Variants in NGEF observed in about 807,000 individuals in gnomAD.
NGEF encodes ephexin-1.
NGEF carries 31 observed loss-of-function variants against 80.9 expected under a neutral mutation model. The ratio of observed to expected loss-of-function variants is 0.38; its 90% CI spans 0.29 to 0.52. The LOEUF (loss-of-function observed/expected upper bound fraction) is 0.52, where lower values mean the gene tolerates loss of function less well. Ranked by LOEUF, NGEF falls within the 20% of genes least tolerant of loss-of-function variation. The pLI is 0.84. For missense variants in NGEF, 709 were observed against 926.2 expected, an observed-to-expected ratio of 0.77 and a Z score of 3.04; for synonymous variants, 371 against 370.2, an observed-to-expected ratio of 1.00 and a Z score of -0.03.
At chr2:232,951,639 TC>T (rs1331522369) in intron 3 of NGEF, among the ~76,000 whole-genome samples, 1 of 152,178 alleles carries the variant, frequency 6.6e-6, no homozygotes, top group African/African-American at 2.4e-5. Flanking sequence ...GTTTCACACT[TC>T]CTTTTAGGGC....
chr2:232,970,582 G>A (rs1341077205), intron 2 of NGEF, among the ~76,000 whole-genome samples: 1 of 151,964 alleles, frequency 6.6e-6, no homozygotes, highest in Non-Finnish European at 1.5e-5. Flanking sequence ...TAATCCCATC[G>A]CTTTGGGAGG....
At position 232,888,556 on chromosome 2, in the gene NGEF, C is replaced by G. The variant is rs575652427; in HGVS notation, c.1273-449G>C. ...ATACATGCATGCACATACATGCATA[C>G]CTGCACACACACACGCATGCACGCA... On this transcript the variant is annotated intron_variant, in intron 8 of 14. Transcript: ENST00000264051. Among the ~76,000 whole-genome samples, 121 of 152,250 alleles carry G rather than the reference C, an allele frequency of 7.9e-4. 1 individual carries two copies. The highest frequency in any genetic ancestry group is 2.7e-3 in the African/African-American group (114 of 41,538).
At chr2:232,976,411 C>G (rs1050094589) in intron 1 of NGEF, among the ~76,000 whole-genome samples, 1 of 152,186 alleles carries the variant, frequency 6.6e-6, no homozygotes, top group South Asian at 2.1e-4. Flanking sequence ...TCTACACCCA[C>G]CAGCCAGCCC....
At chr2:232,984,850 A>G (rs1694501925) in intron 1 of NGEF, among the ~76,000 whole-genome samples, 1 of 152,352 alleles carries the variant, frequency 6.6e-6, no homozygotes, top group Non-Finnish European at 1.5e-5. Context: ...TCAAGGAACC[A>G]AAGGGCTCGG....
Position 232,920,229 on chromosome 2 carries a change from G to T in NGEF, c.828+55C>A, listed in dbSNP as rs930978523. ...CCCAGAGGAAGCCTCACCCCCAGCA[G>T]TGAGGGCCACCCCGGTGTGCTGTGG... On this transcript the variant is annotated intron_variant, in intron 5 of 14. Coordinates refer to ENST00000264051, the MANE Select transcript of NGEF (RefSeq NM_019850.3). The T allele has an allele frequency of 1.0e-5, 16 of 1,546,736 alleles. No homozygotes were observed. The Admixed American group carries it at 1.6e-4, about 16-fold the overall frequency.
At position 232,954,899 on chromosome 2, in the gene NGEF, G is replaced by A. The variant is rs143068822; in HGVS notation, c.383+15315C>T. Among the ~76,000 whole-genome samples, 479 of 152,266 alleles carry A rather than the reference G, an allele frequency of 3.1e-3. 5 individuals carry two copies. The highest frequency in any genetic ancestry group is 0.01 in the African/African-American group (419 of 41,570). ...GGGGAACAGCAGGTGCAAAGGGCCT[G>A]TGGTGAGGACACTTTCCAACCATCG... On this transcript the variant is annotated intron_variant, in intron 3 of 14. Transcript: ENST00000264051.
In NGEF at chr2:232,893,078, G is replaced by A. The variant is rs751262242; in HGVS notation, c.990-28C>T. ...ACGAGAGGCAGCGGCTTGAGGCGGA[G>A]GGTGCCCGGGGGGTAGGGTGGGGAA... On this transcript the variant is annotated intron_variant, in intron 6 of 14. Transcript: ENST00000264051. 3.7e-6 allele frequency: 6 copies of A among 1,601,102 alleles called. No homozygotes were observed. In the South Asian group the frequency reaches 5.5e-5, roughly 15 times the overall value.
At chr2:232,911,286 T>C (rs1288502112) in intron 5 of NGEF, among the ~76,000 whole-genome samples, 2 of 152,200 alleles carry the variant, frequency 1.3e-5, no homozygotes, top group Non-Finnish European at 2.9e-5. Context: ...TTAATTTGCT[T>C]TTGTTGTTTT....
chr2:232,906,019 G>A (rs551754973), intron 5 of NGEF, among the ~76,000 whole-genome samples: 1 of 136,696 alleles, frequency 7.3e-6, no homozygotes, highest in African/African-American at 2.8e-5. Context: ...CGGGAGGGAG[G>A]TGGGGGGGTC....
intron 3 of NGEF, among the ~76,000 whole-genome samples, chr2:232,935,902 CTG>C (rs1423340516): frequency 1.3e-5 from 2 of 152,140 alleles, no homozygotes; most frequent in Non-Finnish European, 2.9e-5. Context: ...TTTTAATTAA[CTG>C]TATCTTTTAA....
At chr2:233,002,538 G>T (rs1221521984) in intron 1 of NGEF, among the ~76,000 whole-genome samples, 1 of 152,084 alleles carries the variant, frequency 6.6e-6, no homozygotes, top group Non-Finnish European at 1.5e-5. Context: ...TTAGCCAGGG[G>T]TGGTGGTGCA....
At chr2:232,975,681 T>C (rs1694277522) in intron 1 of NGEF, among the ~76,000 whole-genome samples, 1 of 151,704 alleles carries the variant, frequency 6.6e-6, no homozygotes, top group African/African-American at 2.4e-5. Context: ...CCTCCTAGGG[T>C]AGGGGTGCTC....
At chr2:232,984,162 G>A (rs1489458587) in intron 1 of NGEF, among the ~76,000 whole-genome samples, 1 of 152,144 alleles carries the variant, frequency 6.6e-6, no homozygotes, top group East Asian at 1.9e-4. Context: ...ATTGCTCACT[G>A]CAGCCTTGAA....
intron 1 of NGEF, among the ~76,000 whole-genome samples, chr2:232,991,970 T>G (rs1694659560): frequency 6.6e-6 from 1 of 152,176 alleles, no homozygotes; most frequent in Admixed American, 6.5e-5. Flanking sequence ...GACCATTCAA[T>G]GAGAAAAGGA....
chr2:233,004,878 G>T (rs1458289139), intron 1 of NGEF, among the ~76,000 whole-genome samples: 1 of 152,086 alleles, frequency 6.6e-6, no homozygotes, highest in Non-Finnish European at 1.5e-5. Flanking sequence ...CAAAATTTGG[G>T]TGATGGTTAC....
Position 232,908,745 on chromosome 2 carries a change from T to C in NGEF, c.828+11539A>G, listed in dbSNP as rs1461041083. Among the ~76,000 whole-genome samples the C allele has an allele frequency of 3.9e-5, 6 of 151,946 alleles. No homozygotes were observed. The East Asian group carries it at 1.2e-3, about 29-fold the overall frequency. Reference sequence around the variant, plus strand: ...TTGCTTTTGTTGCTGTTTTTTTGGTTTTTTGTTTTTTTTTTCATTGCCAGG... The same window carrying C: ...TTGCTTTTGTTGCTGTTTTTTTGGTCTTTTGTTTTTTTTTTCATTGCCAGG... On this transcript the variant is annotated intron_variant, in intron 5 of 14. Transcript: ENST00000264051.
In NGEF at chr2:232,927,330, G is replaced by A. The variant is rs1048177851; in HGVS notation, c.384-144C>T. On this transcript the variant is annotated intron_variant, in intron 3 of 14. Coordinates refer to ENST00000264051, the MANE Select transcript of NGEF (RefSeq NM_019850.3). ...TCCAGGGGCAGCGGCCGCAGCCAGC[G>A]CCGCCCCTCCCGGCCGGGCGGGCCC... 9.4e-6 allele frequency: 8 copies of A among 854,284 alleles called. No homozygotes were observed. In the South Asian group the frequency reaches 1.5e-4, roughly 16 times the overall value. The allele number at this position is 854,284 out of a possible 1,614,324, so 52.9% of individuals were successfully genotyped here.
chr2:232,950,205 T>G (rs553911634), intron 3 of NGEF, among the ~76,000 whole-genome samples: 1 of 152,366 alleles, frequency 6.6e-6, no homozygotes, highest in African/African-American at 2.4e-5. Flanking sequence ...TTTTTTTGGT[T>G]AATTGTGTTT....
intron 5 of NGEF, among the ~76,000 whole-genome samples, chr2:232,906,773 G>A (rs949317342): frequency 2.0e-5 from 3 of 151,472 alleles, no homozygotes; most frequent in Non-Finnish European, 2.9e-5. Flanking sequence ...TGAGAAATCG[G>A]ATGGTTGCGG....
Sources: gnomAD v4.1 joint callset for allele counts (sites outside exome capture counted in the v4.1 genomes callset) on GRCh38, gnomAD v4.1.1 for gene constraint, MANE v1.5 for transcripts, NCBI Gene and HGNC (gene_info 2026-07-23, HGNC 2026-07-21) for gene names.